KIAA1217: variants seen among roughly 807,000 people sequenced by gnomAD.
KIAA1217 encodes the protein KIAA1217, also known as sickle tail protein homolog.
KIAA1217 carries 88 observed loss-of-function variants against 163.9 expected under a neutral mutation model. The observed-to-expected ratio is 0.54, with a 90% CI of 0.45 to 0.64. The LOEUF (loss-of-function observed/expected upper bound fraction) is 0.64. Ranked by LOEUF, KIAA1217 falls within the 30% of genes least tolerant of loss-of-function variation. The pLI is 0.00. For synonymous variants in KIAA1217, 903 were observed against 923.1 expected (o/e 0.98, Z 0.39); for missense variants, 2,372 against 2,475.0 (o/e 0.96, Z 0.88).
chr10:24,130,895 G>A (rs997549335), intron 2 of KIAA1217, among the ~76,000 whole-genome samples: 20 of 152,082 alleles, frequency 1.3e-4, no homozygotes, highest in Admixed American at 1.2e-3. Context: ...TTAAACTGAC[G>A]CCTTTTAATC....
At chr10:24,009,918 A>G (rs1263392905) in intron 2 of KIAA1217, among the ~76,000 whole-genome samples, 1 of 152,198 alleles carries the variant, frequency 6.6e-6, no homozygotes, top group Admixed American at 6.5e-5. Flanking sequence ...GTGTATCTGT[A>G]TGGGGGCTCT....
intron 2 of KIAA1217, among the ~76,000 whole-genome samples, chr10:24,357,356 C>T (rs1052673282): frequency 6.6e-6 from 1 of 152,210 alleles, no homozygotes; most frequent in African/African-American, 2.4e-5. Flanking sequence ...TCTGGACTAG[C>T]TTCAATAAAT....
chr10:24,504,560 G>A (rs1398156149), intron 9 of KIAA1217, among the ~76,000 whole-genome samples: 1 of 152,132 alleles, frequency 6.6e-6, no homozygotes, highest in Admixed American at 6.5e-5. Flanking sequence ...AACTGCAGCC[G>A]CACAGTGGCT....
intron 3 of KIAA1217, among the ~76,000 whole-genome samples, chr10:24,407,711 T>C (rs774457501): frequency 7.9e-5 from 12 of 152,154 alleles, no homozygotes; most frequent in Non-Finnish European, 1.3e-4. Context: ...AATGTTCATG[T>C]CCCATTCCAT....
At chr10:24,351,370 T>C (rs952928876) in intron 2 of KIAA1217, among the ~76,000 whole-genome samples, 1 of 152,212 alleles carries the variant, frequency 6.6e-6, no homozygotes, top group Middle Eastern at 3.2e-3. Flanking sequence ...TATTCTTTTC[T>C]AGAGATCCTG....
intron 1 of KIAA1217, among the ~76,000 whole-genome samples, chr10:23,788,517 A>G (rs980167332): frequency 2.0e-5 from 3 of 152,200 alleles, no homozygotes; most frequent in African/African-American, 7.2e-5. Flanking sequence ...GGGATCCCCT[A>G]GTTCTGCTGT....
chr10:23,869,124 GTTTTTTTT>G (rs58288361), intron 1 of KIAA1217, among the ~76,000 whole-genome samples: 29 of 31,716 alleles, frequency 9.1e-4, no homozygotes, highest in East Asian at 4.0e-3. Flanking sequence ...ATGAAATGTA[GTTTTTTTT>G]TTTTTTTTTT....
chr10:24,388,915 G>A (rs2054430866), intron 3 of KIAA1217, among the ~76,000 whole-genome samples: 1 of 146,454 alleles, frequency 6.8e-6, no homozygotes, highest in South Asian at 2.1e-4. Flanking sequence ...ACATGTGCTG[G>A]AGAGGATGTG....
rs187448166 is a variant in KIAA1217, at chr10:23,740,796, C to T, written c.-321+45562C>T. ...TTGAGATTAAAAAAAAAAAAATGGG[C>T]GCATGCCTGTAATCCCAGCTACTTG... On this transcript the variant is annotated intron_variant, in intron 1 of 18. Transcript: ENST00000376462. Among the ~76,000 whole-genome samples the T allele has an allele frequency of 6.1e-3, 927 of 151,828 alleles. 9 individuals are homozygous for T. The highest frequency in any genetic ancestry group is 9.4e-3 in the Non-Finnish European group (641 of 67,970).
At chr10:24,283,140 T>C (rs1039955490) in intron 2 of KIAA1217, among the ~76,000 whole-genome samples, 2 of 151,896 alleles carry the variant, frequency 1.3e-5, no homozygotes, top group African/African-American at 4.8e-5. Flanking sequence ...GCCTGAGGTG[T>C]TGCTACTTTT....
chr10:24,525,077 G>A lies in KIAA1217; in HGVS notation c.2898+313G>A, dbSNP rs1486831491. The stretch of plus-strand genomic sequence containing the variant: ...CCAGCTCTCTGGTAGCGGTTGTGGC[G>A]GCGGGGTGGGGGGGCAGAGTGGGTG... On this transcript the variant is annotated intron_variant, in intron 13 of 20. Coordinates refer to ENST00000376454, the MANE Select transcript of KIAA1217 (RefSeq NM_019590.5). Among the ~76,000 whole-genome samples, 6 of 152,250 alleles carry A rather than the reference G, an allele frequency of 3.9e-5. No individual in the cohort carries two copies. In the East Asian group the frequency reaches 5.8e-4, roughly 15 times the overall value.
chr10:23,765,652 A>C (rs966196499), intron 1 of KIAA1217, among the ~76,000 whole-genome samples: 95 of 152,140 alleles, frequency 6.2e-4, no homozygotes, highest in African/African-American at 2.2e-3. Flanking sequence ...CATGACCGTG[A>C]GTGAGTTCTC....
At position 24,264,521 on chromosome 10, in the gene KIAA1217, C is replaced by G. The variant is rs139941538; in HGVS notation, c.354+44612C>G. ...GAGGAAAAAGAAAAGAAAAAATACA[C>G]ACACAAACAGAGGTGCACAGAACAT... On this transcript the variant is annotated intron_variant, in intron 2 of 20. Coordinates refer to ENST00000376454, the MANE Select transcript of KIAA1217 (RefSeq NM_019590.5). 1.4e-4 allele frequency among the ~76,000 whole-genome samples: 21 copies of G among 152,202 alleles called. No homozygotes were observed. In the East Asian group the frequency reaches 3.7e-3, roughly 27 times the overall value.
intron 2 of KIAA1217, among the ~76,000 whole-genome samples, chr10:24,329,846 T>C (rs1260879907): frequency 6.6e-6 from 1 of 152,158 alleles, no homozygotes; most frequent in Non-Finnish European, 1.5e-5. Flanking sequence ...GGAAAGAGGC[T>C]AGGAATATAC....
intron 14 of KIAA1217, among the ~76,000 whole-genome samples, chr10:24,530,087 G>A (rs371203630): frequency 8.6e-4 from 130 of 151,958 alleles, no homozygotes; most frequent in African/African-American, 2.8e-3. Flanking sequence ...CTGAGTCACC[G>A]GCCAGCTCAT....
chr10:24,525,234 A>G (rs2134741874), intron 13 of KIAA1217, among the ~76,000 whole-genome samples: 1 of 152,356 alleles, frequency 6.6e-6, no homozygotes, highest in African/African-American at 2.4e-5. Context: ...CTCCTGGGCC[A>G]GGACAAGCCG....
chr10:24,546,288 C>A lies in KIAA1217; in HGVS notation c.5796C>A (p.Ser1932Arg). 1 of 1,611,060 alleles carries A rather than the reference C, an allele frequency of 6.2e-7. No individual in the cohort carries two copies. Among genetic ancestry groups the A allele is most frequent in the Non-Finnish European group, 8.5e-7 (1 of 1,178,142 alleles). The change falls in exon 21 of 21, where the codon AGC becomes AGA. Residue 1932 changes from serine (S) to arginine (R), a missense_variant. By Grantham distance (110) the Ser-to-Arg change is moderately radical. Transcript: ENST00000376454. ...ACAAGGCACAGAATGGAAGTTCAAGCAAAGCCACCCCATCCACAGCAAAAG... is the reference window on the plus strand; with the variant it reads ...ACAAGGCACAGAATGGAAGTTCAAGAAAAGCCACCCCATCCACAGCAAAAG... ...TSYKAQNGSSSKATPSTAKET... is the reference protein window; with the variant it reads ...TSYKAQNGSSRKATPSTAKET...
intron 2 of KIAA1217, among the ~76,000 whole-genome samples, chr10:24,236,402 C>T (rs1308411851): frequency 2.6e-5 from 4 of 152,158 alleles, no homozygotes. Context: ...AGGCATGTGC[C>T]ACCACACTCA....
intron 1 of KIAA1217, among the ~76,000 whole-genome samples, chr10:23,729,742 C>T (rs2225779): frequency 0.22 from 33,225 of 151,908 alleles, 3,873 homozygotes; most frequent in Middle Eastern, 0.29. Context: ...GGCTTGTCTT[C>T]TAAATTTCTT....
Sources: gnomAD v4.1 joint callset for allele counts (sites outside exome capture counted in the v4.1 genomes callset) on GRCh38, gnomAD v4.1.1 for gene constraint, MANE v1.5 for transcripts, NCBI Gene and HGNC (gene_info 2026-07-23, HGNC 2026-07-21) for gene names.